The following GRIK2 variants were observed in gnomAD, a reference collection of about 807,000 sequenced individuals.
The protein encoded by GRIK2 is glutamate ionotropic receptor kainate type subunit 2.
Under a neutral mutation model 100.3 loss-of-function variants are expected in GRIK2, and 32 were observed. The observed-to-expected ratio is 0.32, with a 90% CI of 0.24 to 0.43. The LOEUF is 0.43. GRIK2 is among the 20% of genes least tolerant of loss of function. GRIK2 has a pLI of 1.00. For synonymous variants in GRIK2, 417 were observed against 389.4 expected, an observed-to-expected ratio of 1.07 and a Z score of -0.83; for missense variants, 843 against 1,114.9, an observed-to-expected ratio of 0.76 and a Z score of 3.47.
At chr6:101,853,318 T>C (rs1033806736) in intron 10 of GRIK2, among the ~76,000 whole-genome samples, 8 of 152,176 alleles carry the variant, frequency 5.3e-5, no homozygotes, top group Non-Finnish European at 1.2e-4. Flanking sequence ...TAAGACTGCA[T>C]TGAAACATAT....
At chr6:101,890,790 T>G (rs1258187450) in intron 12 of GRIK2, among the ~76,000 whole-genome samples, 1 of 151,958 alleles carries the variant, frequency 6.6e-6, no homozygotes, top group African/African-American at 2.4e-5. Context: ...ACTTTTGCTT[T>G]AATTAAGAAG....
chr6:101,667,335 G>A (rs768317009), intron 4 of GRIK2, among the ~76,000 whole-genome samples: 25 of 152,166 alleles, frequency 1.6e-4, no homozygotes, highest in African/African-American at 5.3e-4. Flanking sequence ...CATAATGGCC[G>A]AATTCTCCTG....
At chr6:101,460,990 A>G (rs1056253241) in intron 2 of GRIK2, among the ~76,000 whole-genome samples, 8 of 152,326 alleles carry the variant, frequency 5.3e-5, no homozygotes, top group African/African-American at 1.9e-4. Context: ...TGTGTCTGTT[A>G]TTATCGTAGA....
chr6:101,893,297 T>C (rs2852626), intron 12 of GRIK2, among the ~76,000 whole-genome samples: 3,255 of 151,672 alleles, frequency 0.021, 121 homozygotes, highest in African/African-American at 0.076. Context: ...TTTCAAAAAA[T>C]TCTTAAGTAT....
intron 2 of GRIK2, among the ~76,000 whole-genome samples, chr6:101,505,397 G>A (rs1057145237): frequency 1.1e-4 from 17 of 152,048 alleles, no homozygotes; most frequent in Admixed American, 2.0e-4. Flanking sequence ...CCTGAAGAGT[G>A]TTTTCACATA....
chr6:101,704,231 C>T (rs182154787), intron 7 of GRIK2, among the ~76,000 whole-genome samples: 2 of 151,590 alleles, frequency 1.3e-5, no homozygotes, highest in East Asian at 3.9e-4. Flanking sequence ...AGAATAAGAC[C>T]TAAAAGAGTT....
chr6:101,931,627 G>A (rs1013311260), intron 14 of GRIK2, among the ~76,000 whole-genome samples: 1 of 147,856 alleles, frequency 6.8e-6, no homozygotes, highest in Admixed American at 6.8e-5. Flanking sequence ...AGCTCAAGGT[G>A]CTCAAAGCAT....
At chr6:101,868,720 A>G (rs1785204373) in intron 11 of GRIK2, among the ~76,000 whole-genome samples, 1 of 151,898 alleles carries the variant, frequency 6.6e-6, no homozygotes, top group South Asian at 2.1e-4. Flanking sequence ...GTTCAGTGTG[A>G]CTGGATTTTC....
chr6:101,493,624 A>G (rs185215920), intron 2 of GRIK2, among the ~76,000 whole-genome samples: 3 of 152,110 alleles, frequency 2.0e-5, no homozygotes, highest in Admixed American at 1.3e-4. Flanking sequence ...GTAATTTAGG[A>G]GGAAAAAAGA....
chr6:101,635,525 A>G (rs1780962042), intron 4 of GRIK2, among the ~76,000 whole-genome samples: 2 of 152,186 alleles, frequency 1.3e-5, no homozygotes, highest in South Asian at 4.1e-4. Flanking sequence ...TAAACTAAAC[A>G]GCTTCTGCAC....
At chr6:101,397,562 T>C (rs1775061195) in intron 1 of GRIK2, among the ~76,000 whole-genome samples, 1 of 152,248 alleles carries the variant, frequency 6.6e-6, no homozygotes, top group South Asian at 2.1e-4. Flanking sequence ...CAATGCCACT[T>C]AATGCCTTTG....
At chr6:101,893,543 G>A (rs910871365) in intron 12 of GRIK2, among the ~76,000 whole-genome samples, 1 of 151,598 alleles carries the variant, frequency 6.6e-6, no homozygotes, top group African/African-American at 2.4e-5. Flanking sequence ...ATTATCTGAT[G>A]TCATTTCTGT....
chr6:102,058,221 G>A (rs576960385), intron 16 of GRIK2, among the ~76,000 whole-genome samples: 4 of 151,650 alleles, frequency 2.6e-5, no homozygotes, highest in Non-Finnish European at 4.4e-5. Context: ...GTTGGCTTCT[G>A]TGTATGGGTG....
At chr6:101,708,053 T>C (rs888533504) in intron 7 of GRIK2, among the ~76,000 whole-genome samples, 9 of 151,746 alleles carry the variant, frequency 5.9e-5, no homozygotes, top group Admixed American at 4.0e-4. Context: ...TTTCTGGGCA[T>C]TGGGGATACA....
rs550717819 is a variant in GRIK2, at chr6:101,733,186, T to C, written c.951+46833T>C. On this transcript the variant is annotated intron_variant, in intron 7 of 16. Coordinates refer to ENST00000369134, the MANE Select transcript of GRIK2 (RefSeq NM_021956.5). ...TATTAACTTGTTCCAGCAGCAACTC[T>C]AAAGTTCAGAGTCTCATCTAAATAC... 7.2e-5 allele frequency among the ~76,000 whole-genome samples: 11 copies of C among 152,244 alleles called. No homozygotes were observed. The South Asian group carries it at 8.3e-4, about 11-fold the overall frequency.
intron 2 of GRIK2, among the ~76,000 whole-genome samples, chr6:101,505,522 G>GA (rs1773977765): frequency 6.6e-6 from 1 of 152,098 alleles, no homozygotes; most frequent in Admixed American, 6.6e-5. Flanking sequence ...ACCAGACATG[G>GA]AAAACTGAAA....
At chr6:101,469,041 G>A (rs1410247423) in intron 2 of GRIK2, among the ~76,000 whole-genome samples, 2 of 152,114 alleles carry the variant, frequency 1.3e-5, no homozygotes, top group Non-Finnish European at 2.9e-5. Context: ...AAGAGTTTGG[G>A]TGGTCATCTT....
chr6:101,678,852 T>A (rs993463046), intron 5 of GRIK2, among the ~76,000 whole-genome samples: 3 of 152,214 alleles, frequency 2.0e-5, no homozygotes, highest in South Asian at 2.1e-4. Flanking sequence ...TTATTTAATT[T>A]ATTTATTTAA....
chr6:101,563,087 T>G (rs1464024606), intron 2 of GRIK2, among the ~76,000 whole-genome samples: 1 of 152,180 alleles, frequency 6.6e-6, no homozygotes, highest in African/African-American at 2.4e-5. Flanking sequence ...TTTTCATCCT[T>G]GATTATTTTG....
Sources: allele counts gnomAD v4.1 joint callset (sites outside exome capture counted in the v4.1 genomes callset), GRCh38; gene constraint gnomAD v4.1.1; transcripts MANE v1.5; gene names NCBI Gene and HGNC (gene_info 2026-07-23, HGNC 2026-07-21).